The following CNNM2 variants were observed in gnomAD, a reference collection of about 807,000 sequenced individuals.
CNNM2 encodes metal transporter CNNM2.
A neutral mutation model predicts 66.9 loss-of-function variants in CNNM2; 12 were observed. The observed-to-expected ratio is 0.18, with a 90% CI of 0.11 to 0.29. CNNM2 has a LOEUF of 0.29. Among genes scored for constraint, CNNM2 ranks in the 10% least tolerant of loss-of-function variants. The probability of loss-of-function intolerance (pLI) is 1.00; values close to 1 mark genes in which losing one functional copy is unlikely to be tolerated. For synonymous variants in CNNM2, 557 were observed against 501.8 expected (o/e 1.11, Z -1.47); for missense variants, 705 against 1,167.7 (o/e 0.60, Z 5.77).
intron 4 of CNNM2, among the ~76,000 whole-genome samples, chr10:103,060,923 G>T (rs1180230524): frequency 6.6e-6 from 1 of 151,808 alleles, no homozygotes; most frequent in East Asian, 1.9e-4. Flanking sequence ...CATATAGAAT[G>T]TAATAAAATA....
chr10:102,976,423 G>T (rs190652882), intron 1 of CNNM2, among the ~76,000 whole-genome samples: 12 of 79,764 alleles, frequency 1.5e-4, no homozygotes, highest in Non-Finnish European at 2.6e-4. Context: ...TCCAATTCTT[G>T]CCTTTTTTTT....
At chr10:103,009,559 T>G (rs970049298) in intron 1 of CNNM2, among the ~76,000 whole-genome samples, 2 of 150,326 alleles carry the variant, frequency 1.3e-5, no homozygotes, top group African/African-American at 2.4e-5. Context: ...AGCATGATGG[T>G]GTGTTCCTAT....
intron 1 of CNNM2, among the ~76,000 whole-genome samples, chr10:102,938,488 C>G (rs1250582613): frequency 6.6e-6 from 1 of 150,522 alleles, no homozygotes; most frequent in Admixed American, 6.6e-5. Flanking sequence ...AGCATGGTGG[C>G]ACACACCTGT....
At chr10:102,984,284 AG>A (rs2063762633) in intron 1 of CNNM2, among the ~76,000 whole-genome samples, 1 of 152,154 alleles carries the variant, frequency 6.6e-6, no homozygotes, top group African/African-American at 2.4e-5. Flanking sequence ...TTTACTAGGG[AG>A]GAGGATTCAG....
intron 1 of CNNM2, among the ~76,000 whole-genome samples, chr10:102,985,721 C>T (rs1056574491): frequency 6.6e-6 from 1 of 152,116 alleles, no homozygotes; most frequent in Non-Finnish European, 1.5e-5. Flanking sequence ...TTTACATGAC[C>T]AGCTCAGATT....
intron 1 of CNNM2, among the ~76,000 whole-genome samples, chr10:103,021,261 G>C (rs1480170364): frequency 6.6e-6 from 1 of 152,150 alleles, no homozygotes; most frequent in African/African-American, 2.4e-5. Context: ...GAAGGAGACA[G>C]AGTGGAGAAT....
intron 1 of CNNM2, among the ~76,000 whole-genome samples, chr10:102,980,766 C>A (rs2063707312): frequency 6.6e-6 from 1 of 152,156 alleles, no homozygotes; most frequent in Non-Finnish European, 1.5e-5. Flanking sequence ...CCAATGTGTT[C>A]AGTGTTTACA....
At chr10:102,971,607 T>C (rs1336667978) in intron 1 of CNNM2, among the ~76,000 whole-genome samples, 2 of 152,248 alleles carry the variant, frequency 1.3e-5, no homozygotes, top group African/African-American at 2.4e-5. Flanking sequence ...CATTTTGTTT[T>C]AAAATGAAGG....
chr10:103,076,457 C>T (rs1271107409), intron 7 of CNNM2, among the ~76,000 whole-genome samples, 187 bp downstream of exon 7: 2 of 152,186 alleles, frequency 1.3e-5, no homozygotes, highest in Non-Finnish European at 1.5e-5. Context: ...TTGAGAAAAA[C>T]GTTGATCTTC....
At position 103,043,662 on chromosome 10, in the gene CNNM2, C is replaced by G. The variant is rs2065080863; in HGVS notation, c.1622-6045C>G. Among the ~76,000 whole-genome samples, 4 of 152,176 alleles carry G rather than the reference C, an allele frequency of 2.6e-5. No homozygotes were observed. The South Asian group carries it at 8.3e-4, about 32-fold the overall frequency. On this transcript the variant is annotated intron_variant, in intron 1 of 7. Coordinates refer to ENST00000369878, the MANE Select transcript of CNNM2 (RefSeq NM_017649.5). ...AGCAGGCAGAGGTAGAAATTTGATC[C>G]CAATTCTACCTTGTATAGATGATTT...
intron 1 of CNNM2, among the ~76,000 whole-genome samples, chr10:103,015,428 T>C (rs1222650893): frequency 6.6e-6 from 1 of 152,118 alleles, no homozygotes; most frequent in Non-Finnish European, 1.5e-5. Flanking sequence ...CTGATAGAAC[T>C]GTGTCTAATA....
intron 1 of CNNM2, among the ~76,000 whole-genome samples, 165 bp downstream of exon 1, chr10:102,920,266 A>C (rs1274171618): frequency 6.6e-6 from 1 of 152,140 alleles, no homozygotes; most frequent in Non-Finnish European, 1.5e-5. Context: ...TTGGGGATGG[A>C]TTGAACTAGT....
At position 103,017,963 on chromosome 10, in the gene CNNM2, C is replaced by CAAAAAAAAAAAAAAAA. The variant is rs59984156; in HGVS notation, c.1622-31741_1622-31726dup. ...TGGGGGACAGAGCAAGAATCTGTCT[C>CAAAAAAAAAAAAAAAA]AAAAAAAAAAAAAAAAAAGGCAAGC... On this transcript the variant is annotated intron_variant, in intron 1 of 7. Transcript: ENST00000369878. Among the ~76,000 whole-genome samples the CAAAAAAAAAAAAAAAA allele has an allele frequency of 0.019, 1,471 of 78,494 alleles. 108 individuals carry two copies. The highest frequency in any genetic ancestry group is 0.024 in the Non-Finnish European group (1,001 of 41,844). 51.5% of individuals were successfully genotyped at this position (78,494 alleles called of 152,430 possible). A position where few individuals can be genotyped will look rare whatever the true frequency, so the allele number is the denominator to read the frequency against.
Position 102,918,573 on chromosome 10 carries a change from C to T in CNNM2, c.93C>T (p.Arg31=). 6.3e-7 allele frequency: 1 copy of T among 1,582,064 alleles called. No homozygotes were observed. Among genetic ancestry groups the T allele is most frequent in the Non-Finnish European group, 8.6e-7 (1 of 1,168,282 alleles). ...CCACTTGGAAGATGGCGGCGCGCCG[C>T]AGCCTCAGCGCTCGCGGCCGGGGGA... ...ALPTWKMAAR[R]SLSARGRGIL... Residue 31 remains arginine, a synonymous_variant, in exon 1 of 8, where the codon CGC becomes CGT. Transcript: ENST00000369878. This position sits in a 1 kb window ranked among gnomAD's most constrained non-coding sequence, Gnocchi z 4.1.
chr10:102,920,220 C>G (rs1845571075), intron 1 of CNNM2, 119 bp downstream of exon 1: 4 of 1,599,898 alleles, frequency 2.5e-6, no homozygotes, highest in African/African-American at 2.7e-5. Context: ...TTCTCCTTCT[C>G]CCTCTTAATT....
chr10:103,044,142 A>C (rs2134321551), intron 1 of CNNM2, among the ~76,000 whole-genome samples: 1 of 152,218 alleles, frequency 6.6e-6, no homozygotes, highest in African/African-American at 2.4e-5. Context: ...TTCTCGTTGG[A>C]AGTTAAGAAT....
At chr10:102,972,231 G>A (rs775658990) in intron 1 of CNNM2, among the ~76,000 whole-genome samples, 6 of 152,056 alleles carry the variant, frequency 3.9e-5, no homozygotes, top group African/African-American at 7.2e-5. Flanking sequence ...ATAATTTAGG[G>A]GAATTTTTTT....
At chr10:103,000,522 C>T (rs975287199) in intron 1 of CNNM2, among the ~76,000 whole-genome samples, 2 of 151,890 alleles carry the variant, frequency 1.3e-5, no homozygotes, top group South Asian at 2.1e-4. Flanking sequence ...GGTGCAATCT[C>T]GGCTCACTAC....
chr10:102,942,743 A>T (rs1415778776), intron 1 of CNNM2, among the ~76,000 whole-genome samples: 4 of 152,220 alleles, frequency 2.6e-5, no homozygotes, highest in Non-Finnish European at 5.9e-5. Context: ...AATAGTTTTT[A>T]AAAATAGCAA....
Sources: gnomAD v4.1 joint callset for allele counts (sites outside exome capture counted in the v4.1 genomes callset) on GRCh38, gnomAD v4.1.1 for gene constraint, Gnocchi (gnomAD v3.1) non-coding constraint, MANE v1.5 for transcripts, NCBI Gene and HGNC (gene_info 2026-07-23, HGNC 2026-07-21) for gene names.